LTBP3: variants seen among roughly 807,000 people sequenced by gnomAD.
The protein encoded by LTBP3 is latent-transforming growth factor beta-binding protein 3.
A neutral mutation model predicts 159.7 loss-of-function variants in LTBP3; 97 were observed. The ratio of observed to expected loss-of-function variants is 0.61; its 90% CI spans 0.52 to 0.72. The LOEUF (loss-of-function observed/expected upper bound fraction) is 0.72, where lower values mean the gene tolerates loss of function less well. LTBP3 is among the 30% of genes least tolerant of loss of function. LTBP3 has a pLI of 0.00. For synonymous variants in LTBP3, 824 were observed against 777.1 expected, an observed-to-expected ratio of 1.06 and a Z score of -1.00; for missense variants, 1,584 against 1,864.3, an observed-to-expected ratio of 0.85 and a Z score of 2.77.
rs761045369 is a variant in LTBP3, at chr11:65,540,570, C to T, written c.3022G>A (p.Gly1008Ser). 13 of 1,613,876 alleles carry T rather than the reference C, an allele frequency of 8.1e-6. No homozygotes were observed. Among genetic ancestry groups the T allele is most frequent in the Non-Finnish European group, 7.6e-6 (9 of 1,179,914 alleles). Reference protein sequence around the residue: ...MLFGSEICKEGKCVNTQPGYE... With the variant: ...MLFGSEICKESKCVNTQPGYE... ...CCAGGCTGCGTGTTCACGCACTTGC[C>T]CTCCTTGCAAATCTCCGACCCGAAC... The change falls in exon 22 of 28, where the codon GGC becomes AGC. Residue 1008 changes from glycine (G) to serine (S), a missense_variant. By Grantham distance (56) the Gly-to-Ser change is moderately conservative. Coordinates refer to ENST00000301873, the MANE Select transcript of LTBP3 (RefSeq NM_001130144.3).
chr11:65,557,139 C>T (rs1459076166), intron 1 of LTBP3, among the ~76,000 whole-genome samples: 1 of 152,164 alleles, frequency 6.6e-6, no homozygotes, highest in Non-Finnish European at 1.5e-5. Flanking sequence ...GTAGCCGGCT[C>T]CCATCCCCAG....
rs368315970 is a variant in LTBP3 at position 65,541,777 on chromosome 11, G to A, written c.2597-49C>T. The stretch of plus-strand genomic sequence containing the variant: ...TGGAAACCCAGCCCCTCTTTCCCTG[G>A]GGCTGCACCTCAAGGGCCTCACACA... On this transcript the variant is annotated intron_variant, in intron 18 of 27. Transcript: ENST00000301873. The A allele has an allele frequency of 1.8e-5, 29 of 1,610,140 alleles. No individual in the cohort carries two copies. The South Asian group carries it at 2.6e-4, about 15-fold the overall frequency.
Position 65,547,551 on chromosome 11 carries a change from G to C in LTBP3, c.1995C>G (p.Ala665=). 1 of 1,614,004 alleles carries C rather than the reference G, an allele frequency of 6.2e-7. No individual in the cohort carries two copies. The highest frequency in any genetic ancestry group is 8.5e-7 in the Non-Finnish European group (1 of 1,179,946). The change falls in exon 14 of 28, where the codon GCC becomes GCG. Residue 665 remains alanine, a synonymous_variant. Coordinates refer to ENST00000301873, the MANE Select transcript of LTBP3 (RefSeq NM_001130144.3). This position sits in a 1 kb window ranked among gnomAD's most constrained non-coding sequence, Gnocchi z 4.6. ...GRSCVDLNEC[A]KPHLCGDGGF... ...CGCCGTCGCCGCACAGGTGGGGCTT[G>C]GCGCATTCGTTCAGGTCTGTGCGGG... is the stretch of plus-strand genomic sequence containing the variant.
chr11:65,540,097 G>A lies in LTBP3; in HGVS notation c.3301C>T (p.Pro1101Ser). The A allele has an allele frequency of 1.3e-6, 2 of 1,526,448 alleles. No individual in the cohort carries two copies. The highest frequency in any genetic ancestry group is 1.8e-6 in the Non-Finnish European group (2 of 1,141,016). 94.6% of individuals were successfully genotyped at this position (1,526,448 alleles called of 1,614,324 possible). The part of the protein sequence containing the change: ...ACRPGRCVNL[P>S]GSYRCECRPP... Reference sequence around the variant, plus strand: ...CGACACTCGCAGCGGTAGGAGCCCGGCAGGTTGACGCAGCGGCCAGGGCGG... The same window carrying A: ...CGACACTCGCAGCGGTAGGAGCCCGACAGGTTGACGCAGCGGCCAGGGCGG... The change falls in exon 24 of 28, where the codon CCG becomes TCG. Residue 1101 changes from proline (P) to serine (S), a missense_variant. By Grantham distance (74) the Pro-to-Ser change is moderately conservative. Around this residue, in one of 6 missense-constraint regions of LTBP3, gnomAD observed 514 missense variants for 530.3 expected, o/e 0.97. Transcript: ENST00000301873.
In LTBP3 at chr11:65,539,168, T is replaced by G; in HGVS notation, c.3824A>C (p.Asn1275Thr). 1.3e-6 allele frequency: 2 copies of G among 1,507,300 alleles called. No individual in the cohort carries two copies. Among genetic ancestry groups the G allele is most frequent in the Non-Finnish European group, 1.8e-6 (2 of 1,123,430 alleles). The allele number at this position is 1,507,300 out of a possible 1,614,324, so 93.4% of individuals were successfully genotyped here. A position where few individuals can be genotyped will look rare whatever the true frequency, so the allele number is the denominator to read the frequency against. The change falls in exon 28 of 28, where the codon AAC becomes ACC. Residue 1275 changes from asparagine (N) to threonine (T), a missense_variant. Asn to Thr is a moderately conservative substitution (Grantham distance 65, BLOSUM62 0). Around this residue, in one of 6 missense-constraint regions of LTBP3, gnomAD observed 514 missense variants for 530.3 expected, o/e 0.97. Coordinates refer to ENST00000301873, the MANE Select transcript of LTBP3 (RefSeq NM_001130144.3). Reference sequence around the variant, plus strand: ...GACGCAGCGGAAGGAGCCGCTGGTGTTCACGCAGCGCTCGCTCTTGCACAG... The same window carrying G: ...GACGCAGCGGAAGGAGCCGCTGGTGGTCACGCAGCGCTCGCTCTTGCACAG... ...GLLCKSERCV[N>T]TSGSFRCVCK...
In LTBP3 at chr11:65,554,434, C is replaced by G; in HGVS notation, c.332-54G>C. 1 of 1,432,710 alleles carries G rather than the reference C, an allele frequency of 7.0e-7. No individual in the cohort carries two copies. Among genetic ancestry groups the G allele is most frequent in the Non-Finnish European group, 9.6e-7 (1 of 1,041,468 alleles). The allele number at this position is 1,432,710 out of a possible 1,614,324, so 88.7% of individuals were successfully genotyped here. A position where few individuals can be genotyped will look rare whatever the true frequency, so the allele number is the denominator to read the frequency against. On this transcript the variant is annotated intron_variant, in intron 1 of 27. Coordinates refer to ENST00000301873, the MANE Select transcript of LTBP3 (RefSeq NM_001130144.3). This position sits in a 1 kb window ranked among gnomAD's most constrained non-coding sequence, Gnocchi z 5.3. The stretch of plus-strand genomic sequence containing the variant: ...ACCCACATCCTGTCTCTTTCCCCTC[C>G]TCCCTACTTCCTTGCCACCCACTGG...
chr11:65,540,763 C>A (rs1473944547), intron 21 of LTBP3, 108 bp downstream of exon 21: 3 of 1,383,958 alleles, frequency 2.2e-6, no homozygotes, highest in Non-Finnish European at 2.9e-6. Context: ...AAGGTGCGGG[C>A]GGGGCTTACC....
At chr11:65,549,350 C>G (rs949947761) in intron 11 of LTBP3, among the ~76,000 whole-genome samples, 2 of 152,088 alleles carry the variant, frequency 1.3e-5, no homozygotes, top group African/African-American at 4.8e-5. Context: ...ACTTAACTTC[C>G]CTTGTGATAT....
rs1565084533 is a variant in LTBP3, at chr11:65,538,779, C to T, written c.*301G>A. The T allele has an allele frequency of 6.0e-6, 5 of 826,858 alleles. No homozygotes were observed. The highest frequency in any genetic ancestry group is 2.0e-5 in the South Asian group (1 of 49,124). 51.2% of individuals were successfully genotyped at this position (826,858 alleles called of 1,614,324 possible). On this transcript the variant is annotated 3_prime_UTR_variant, in exon 28 of 28. Coordinates refer to ENST00000301873, the MANE Select transcript of LTBP3 (RefSeq NM_001130144.3). ...CGCCGCCCTGCGCAGCCCGCGCCCACGTCAGACGTGAACATCAATTTGCTT... is the reference window on the plus strand; with the variant it reads ...CGCCGCCCTGCGCAGCCCGCGCCCATGTCAGACGTGAACATCAATTTGCTT...
chr11:65,553,860 C>A lies in LTBP3; in HGVS notation c.705G>T (p.Pro235=), dbSNP rs2135158525. The change falls in exon 3 of 28, where the codon CCG becomes CCT. Residue 235 remains proline, a synonymous_variant. Coordinates refer to ENST00000301873, the MANE Select transcript of LTBP3 (RefSeq NM_001130144.3). This position sits in a 1 kb window ranked among gnomAD's most constrained non-coding sequence, Gnocchi z 6.5. ...GGTGCACCTGGACTGAGGCCTCGGG[C>A]GGGTGATGGACGCGCACATTCACCA... ...PPVVNVRVHH[P]PEASVQVHRI... The A allele has an allele frequency of 6.5e-7, 1 of 1,549,612 alleles. No individual in the cohort carries two copies. Among genetic ancestry groups the A allele is most frequent in the Non-Finnish European group, 8.7e-7 (1 of 1,153,986 alleles).
Position 65,538,795 on chromosome 11 carries a change from CA to C in LTBP3, c.*284del, listed in dbSNP as rs1239161076. ...CCGCGCCCACGTCAGACGTGAACAT[CA>C]ATTTGCTTCGAAAGCCAAGGGTAAA... On this transcript the variant is annotated 3_prime_UTR_variant, in exon 28 of 28. Coordinates refer to ENST00000301873, the MANE Select transcript of LTBP3 (RefSeq NM_001130144.3). 4.9e-6 allele frequency: 4 copies of C among 812,726 alleles called. No individual in the cohort carries two copies. In the African/African-American group the frequency reaches 7.0e-5, roughly 14 times the overall value. 50.3% of individuals were successfully genotyped at this position (812,726 alleles called of 1,614,324 possible).
chr11:65,543,180 A>G lies in LTBP3; in HGVS notation c.2521T>C (p.Cys841Arg). 1 of 1,614,090 alleles carries G rather than the reference A, an allele frequency of 6.2e-7. No homozygotes were observed. Among genetic ancestry groups the G allele is most frequent in the Non-Finnish European group, 8.5e-7 (1 of 1,179,954 alleles). Residue 841 changes from cysteine (C) to arginine (R), a missense_variant, in exon 18 of 28, where the codon TGC becomes CGC. Coordinates refer to ENST00000301873, the MANE Select transcript of LTBP3 (RefSeq NM_001130144.3). ...CTGTAGGAGCCATTGGTATTGATGC[A>G]GTCACCCCCAATGCAGGCTGCAGGG... The part of the protein sequence containing the change: ...DFPAACIGGD[C>R]INTNGSYRCL...
rs972376478 is a variant in LTBP3, at chr11:65,540,120, C to T, written c.3278G>A (p.Arg1093His). 2.6e-6 allele frequency: 4 copies of T among 1,526,554 alleles called. No homozygotes were observed. The African/African-American group carries it at 4.1e-5, about 16-fold the overall frequency. The allele number at this position is 1,526,554 out of a possible 1,614,324, so 94.6% of individuals were successfully genotyped here. The part of the protein sequence containing the change: ...VDECQDPAAC[R>H]PGRCVNLPGS... ...CGGCAGGTTGACGCAGCGGCCAGGGCGGCAGGCTGCCGGGTCCTGGCACTC... is the reference window on the plus strand; with the variant it reads ...CGGCAGGTTGACGCAGCGGCCAGGGTGGCAGGCTGCCGGGTCCTGGCACTC... The change falls in exon 24 of 28, where the codon CGC (arginine) becomes CAC (histidine). Residue 1093 changes from arginine (R) to histidine (H), a missense_variant. Coordinates refer to ENST00000301873, the MANE Select transcript of LTBP3 (RefSeq NM_001130144.3).
In LTBP3 at chr11:65,557,630, C is replaced by T. The variant is rs1458468458; in HGVS notation, c.330G>A (p.Val110=). 6.2e-7 allele frequency: 1 copy of T among 1,609,376 alleles called. No individual in the cohort carries two copies. Among genetic ancestry groups the T allele is most frequent in the African/African-American group, 1.3e-5 (1 of 74,900 alleles). The part of the protein sequence containing the change: ...TDTLTGSGFR[V]VVCPLPCMNG... Reference sequence around the variant, plus strand: ...CCCAGCCGTGCCCCCGGCCCTCACCCACGCGGAAGCCGGAGCCCGTGAGCG... The same window carrying T: ...CCCAGCCGTGCCCCCGGCCCTCACCTACGCGGAAGCCGGAGCCCGTGAGCG... The change falls in exon 1 of 28, where the codon GTG becomes GTA. Residue 110 remains valine, a splice_region_variant and synonymous_variant. Coordinates refer to ENST00000301873, the MANE Select transcript of LTBP3 (RefSeq NM_001130144.3).
chr11:65,538,947 C>T lies in LTBP3; in HGVS notation c.*133G>A. The T allele has an allele frequency of 1.5e-6, 2 of 1,310,612 alleles. No individual in the cohort carries two copies. Among genetic ancestry groups the T allele is most frequent in the South Asian group, 4.1e-5 (2 of 48,774 alleles). 81.2% of individuals were successfully genotyped at this position (1,310,612 alleles called of 1,614,324 possible). ...GGGCCGGTAGGGGCGCCTCGGGTCTCAAGGCGCCGGGAGGGTCTGCGGGCC... is the reference window on the plus strand; with the variant it reads ...GGGCCGGTAGGGGCGCCTCGGGTCTTAAGGCGCCGGGAGGGTCTGCGGGCC... On this transcript the variant is annotated 3_prime_UTR_variant, in exon 28 of 28. Coordinates refer to ENST00000301873, the MANE Select transcript of LTBP3 (RefSeq NM_001130144.3).
At chr11:65,543,370 G>A in intron 17 of LTBP3, 57 bp downstream of exon 17, 6 of 1,612,474 alleles carry the variant, frequency 3.7e-6, no homozygotes, top group African/African-American at 1.3e-5. Flanking sequence ...ACCCTGGGGG[G>A]TGGGGGTCCT....
Position 65,538,664 on chromosome 11 carries a change from C to T in LTBP3, c.*416G>A, listed in dbSNP as rs932865562. 76 of 1,365,492 alleles carry T rather than the reference C, an allele frequency of 5.6e-5. No individual in the cohort carries two copies. In the African/African-American group the frequency reaches 9.2e-4, roughly 17 times the overall value. 84.6% of individuals were successfully genotyped at this position (1,365,492 alleles called of 1,614,324 possible). On this transcript the variant is annotated 3_prime_UTR_variant, in exon 28 of 28. Coordinates refer to ENST00000301873, the MANE Select transcript of LTBP3 (RefSeq NM_001130144.3). ...CCCGGCCGGCCCAGCCAGGCCATCT[C>T]ACGTGTACATAATCAGAGCCACAAT...
chr11:65,544,897 C>A, intron 16 of LTBP3: 1 of 152,608 alleles, frequency 6.6e-6, no homozygotes. Flanking sequence ...ACCAAAGCCC[C>A]ACTTTGGAAG....
chr11:65,551,050 G>A (rs1182779882), intron 11 of LTBP3, 76 bp downstream of exon 11: 4 of 1,204,478 alleles, frequency 3.3e-6, no homozygotes, highest in Non-Finnish European at 4.7e-6. Flanking sequence ...GGGAATGCCT[G>A]GGGGCGGGAG....
Sources: allele counts gnomAD v4.1 joint callset (sites outside exome capture counted in the v4.1 genomes callset), GRCh38; gene constraint gnomAD v4.1.1; regional missense constraint gnomAD v4.1.1; non-coding constraint Gnocchi (gnomAD v3.1); transcripts MANE v1.5; gene names NCBI Gene and HGNC (gene_info 2026-07-23, HGNC 2026-07-21).